Variants in BLTP2 observed in about 807,000 individuals in gnomAD.
BLTP2 encodes the protein U937-associated antigen.
At chr17:28,615,947 G>A in the BLTP2 span, 21 of 1,049,424 alleles carry the variant, frequency 2.0e-5, no homozygotes, top group African/African-American at 3.1e-5. Flanking sequence ...TCGTAATGAT[G>A]CTGACTCTTG....
the BLTP2 span, chr17:28,631,713 GAC>G: frequency 6.2e-7 from 1 of 1,610,902 alleles, no homozygotes; most frequent in Non-Finnish European, 8.5e-7. Flanking sequence ...AGACCATGCT[GAC>G]CAGTTCAGAG....
chr17:28,632,356 G>C, the BLTP2 span: 1 of 785,426 alleles, frequency 1.3e-6, no homozygotes, highest in Middle Eastern at 3.9e-4. Context: ...ACAGCACCTA[G>C]CCTCACATTC....
At chr17:28,628,476 G>A in the BLTP2 span, 1 of 1,614,036 alleles carries the variant, frequency 6.2e-7, no homozygotes, top group Non-Finnish European at 8.5e-7. Context: ...TGTCTCGATT[G>A]GTAGTTGTCC....
chr17:28,619,993 C>A, the BLTP2 span: 1 of 1,613,550 alleles, frequency 6.2e-7, no homozygotes. Context: ...GAACCTGACC[C>A]GTTGCTTCTT....
chr17:28,627,322 G>A, the BLTP2 span, among the ~76,000 whole-genome samples: 1 of 152,038 alleles, frequency 6.6e-6, no homozygotes, highest in Non-Finnish European at 1.5e-5. Context: ...AACCATACTA[G>A]GCTTTCAAGG....
the BLTP2 span, chr17:28,634,527 CTT>C: frequency 2.5e-6 from 4 of 1,613,032 alleles, no homozygotes; most frequent in Non-Finnish European, 3.4e-6. Flanking sequence ...CCAGAAAGCT[CTT>C]GACATTGCAC....
At chr17:28,638,393 T>C in the BLTP2 span, 12 of 1,614,100 alleles carry the variant, frequency 7.4e-6, no homozygotes, top group African/African-American at 1.1e-4. Flanking sequence ...GATGGATGCT[T>C]TGTGGCCTGA....
chr17:28,626,404 C>T, the BLTP2 span, among the ~76,000 whole-genome samples: 18 of 152,320 alleles, frequency 1.2e-4, no homozygotes, highest in African/African-American at 4.3e-4. Flanking sequence ...GTCTTCCCTG[C>T]TTCCTGGCAT....
At chr17:28,619,281 T>C in the BLTP2 span, among the ~76,000 whole-genome samples, 48 of 146,240 alleles carry the variant, frequency 3.3e-4, no homozygotes, top group South Asian at 0.01. Flanking sequence ...TCAGGTTCAT[T>C]AAAAAAAAAA....
chr17:28,641,796 C>A, the BLTP2 span: 18 of 1,111,600 alleles, frequency 1.6e-5, no homozygotes, highest in Non-Finnish European at 2.2e-5. Context: ...TAGTGAATCA[C>A]ATCTAAATAA....
the BLTP2 span, among the ~76,000 whole-genome samples, chr17:28,631,204 G>A: frequency 3.9e-5 from 6 of 152,246 alleles, no homozygotes; most frequent in African/African-American, 1.4e-4. Context: ...TTTACAATAA[G>A]AGAAACCAGA....
At chr17:28,621,577 T>C in the BLTP2 span, 1 of 1,012,184 alleles carries the variant, frequency 9.9e-7, no homozygotes, top group East Asian at 2.4e-5. Context: ...CAGATCTCCA[T>C]GTTTCAAGTA....
At chr17:28,640,154 G>C in the BLTP2 span, 11 of 989,126 alleles carry the variant, frequency 1.1e-5, no homozygotes, top group South Asian at 1.8e-4. Flanking sequence ...CAGCCCTTTG[G>C]GAGGCCGAGG....
chr17:28,618,210 G>T, the BLTP2 span, among the ~76,000 whole-genome samples: 2 of 151,896 alleles, frequency 1.3e-5, no homozygotes, highest in African/African-American at 4.8e-5. Context: ...TGGGATTACA[G>T]GTGTGAGCCA....
At chr17:28,635,305 C>T in the BLTP2 span, 13 of 1,614,106 alleles carry the variant, frequency 8.1e-6, no homozygotes, top group South Asian at 5.5e-5. Context: ...ACCTCCATGC[C>T]GGCTCAGTGA....
At chr17:28,642,995 G>T in the BLTP2 span, 5 of 1,552,992 alleles carry the variant, frequency 3.2e-6, no homozygotes, top group Non-Finnish European at 4.4e-6. Flanking sequence ...TAGCTGGAAG[G>T]AAGAAGCAAG....
At chr17:28,627,042 T>C in the BLTP2 span, among the ~76,000 whole-genome samples, 3 of 152,184 alleles carry the variant, frequency 2.0e-5, no homozygotes, top group East Asian at 1.9e-4. Flanking sequence ...GGGTAGATAG[T>C]GTCAGAATTG....
At chr17:28,631,731 T>G in the BLTP2 span, 11 of 1,606,976 alleles carry the variant, frequency 6.8e-6, no homozygotes, top group Admixed American at 6.7e-5. Flanking sequence ...CAGAGGATAG[T>G]GTAAGACAGA....
At chr17:28,630,463 CT>C in the BLTP2 span, among the ~76,000 whole-genome samples, 4 of 142,348 alleles carry the variant, frequency 2.8e-5, no homozygotes, top group Non-Finnish European at 4.6e-5. Flanking sequence ...CCAGCCCCCA[CT>C]GTTTTTTTTT....
Sources: allele counts gnomAD v4.1 joint callset (sites outside exome capture counted in the v4.1 genomes callset), GRCh38; gene constraint gnomAD v4.1.1; transcripts MANE v1.5; gene names NCBI Gene and HGNC (gene_info 2026-07-23, HGNC 2026-07-21).